INPP5B: variants seen among roughly 807,000 people sequenced by gnomAD.
INPP5B encodes inositol polyphosphate-5-phosphatase B.
A neutral mutation model predicts 118.5 loss-of-function variants in INPP5B; 90 were observed. That is an observed-to-expected ratio of 0.76 (90% CI 0.64 to 0.90). The LOEUF is 0.90. Ranked by LOEUF, INPP5B falls within the 40% of genes least tolerant of loss-of-function variation. The probability of loss-of-function intolerance (pLI) is 0.00; values close to 1 mark genes in which losing one functional copy is unlikely to be tolerated. For missense variants in INPP5B, 984 were observed against 1,125.6 expected (o/e 0.87, Z 1.80); for synonymous variants, 385 against 418.9 (o/e 0.92, Z 0.99).
intron 9 of INPP5B, 140 bp from the exon 10 acceptor site, chr1:37,888,484 C>T: frequency 2.0e-6 from 1 of 493,800 alleles, no homozygotes; most frequent in Non-Finnish European, 3.6e-6. Context: ...CTAACCTAGA[C>T]CAGGACTGCA....
At position 37,932,149 on chromosome 1, in the gene INPP5B, C is replaced by T. The variant is rs76849367; in HGVS notation, c.392-96G>A. On this transcript the variant is annotated intron_variant, in intron 6 of 23. Transcript: ENST00000373024. ...CCAAGAGACTCCGGCCCTGTTTCTC[C>T]CGCGCACAGAAGGGTTCTGTGCGCA... The T allele has an allele frequency of 5.2e-3, 6,072 of 1,161,890 alleles. 234 individuals are homozygous for T. In the African/African-American group the frequency reaches 0.089, roughly 17 times the overall value. The allele number at this position is 1,161,890 out of a possible 1,614,324, so 72.0% of individuals were successfully genotyped here.
chr1:37,936,253 C>G (rs1017394314), intron 6 of INPP5B, among the ~76,000 whole-genome samples: 2 of 152,120 alleles, frequency 1.3e-5, no homozygotes, highest in Admixed American at 6.6e-5. Flanking sequence ...CCCTTCCCTC[C>G]GACTGCCAAG....
chr1:37,871,829 G>A (rs911066558), intron 19 of INPP5B, among the ~76,000 whole-genome samples: 14 of 151,562 alleles, frequency 9.2e-5, no homozygotes, highest in East Asian at 1.9e-4. Context: ...CCTGGGAGAC[G>A]GTGGTTGCAG....
chr1:37,875,756 G>T, intron 16 of INPP5B, 40 bp from the exon 17 acceptor site: 1 of 1,461,706 alleles, frequency 6.8e-7, no homozygotes, highest in Non-Finnish European at 9.6e-7. Context: ...CTTGGCTTCT[G>T]CCCATTTCCT....
chr1:37,861,311 A>G lies in INPP5B; in HGVS notation c.*1004T>C, dbSNP rs1248020349. 1 of 152,300 alleles carries G rather than the reference A, an allele frequency of 6.6e-6. No homozygotes were observed. The highest frequency in any genetic ancestry group is 1.5e-5 in the Non-Finnish European group (1 of 68,084). 9.4% of individuals were successfully genotyped at this position (152,300 alleles called of 1,614,324 possible). A position where few individuals can be genotyped will look rare whatever the true frequency, so the allele number is the denominator to read the frequency against. On this transcript the variant is annotated 3_prime_UTR_variant, in exon 24 of 24. Coordinates refer to ENST00000373024, the MANE Select transcript of INPP5B (RefSeq NM_005540.3). ...ATTTTATCCAGCAGCTTCTGCCTGC[A>G]TTCTTGCCATCCAACTCATTGGCCT...
intron 6 of INPP5B, among the ~76,000 whole-genome samples, chr1:37,934,621 G>T (rs1645614627): frequency 6.6e-6 from 1 of 152,120 alleles, no homozygotes; most frequent in South Asian, 2.1e-4. Context: ...TGTCAATACT[G>T]AGAGTCCCTT....
In INPP5B at chr1:37,886,893, T is replaced by C. The variant is rs1643572598; in HGVS notation, c.1126A>G (p.Arg376Gly). 3.7e-6 allele frequency: 6 copies of C among 1,613,362 alleles called. No individual in the cohort carries two copies. Among genetic ancestry groups the C allele is most frequent in the Non-Finnish European group, 5.1e-6 (6 of 1,179,466 alleles). ...AETVGTGIMG[R>G]MGNKGGVAIR... is the part of the protein sequence containing the mutation. ...CAAACCAACCAAGGACTCACCATCC[T>C]CCCCATGATTCCTGTCCCCACAGTC... Residue 376 changes from arginine to glycine, a missense_variant, in exon 12 of 24, where the codon AGG (arginine) becomes GGG (glycine). By Grantham distance (125) the Arg-to-Gly change is moderately radical (BLOSUM62 -2). Transcript: ENST00000373024.
At chr1:37,930,665 A>C (rs1367217305) in intron 7 of INPP5B, 2 of 152,268 alleles carry the variant, frequency 1.3e-5, no homozygotes, top group Non-Finnish European at 2.9e-5. Context: ...CTTCGATCGC[A>C]CCTTGTGATG....
chr1:37,866,678 C>T (rs1011501052), intron 20 of INPP5B, 135 bp from the exon 21 acceptor site: 1 of 647,728 alleles, frequency 1.5e-6, no homozygotes, highest in African/African-American at 1.8e-5. Flanking sequence ...GACAGATGAT[C>T]TGATTTAGGC....
chr1:37,889,060 G>A (rs1643695331), intron 9 of INPP5B, among the ~76,000 whole-genome samples: 1 of 152,126 alleles, frequency 6.6e-6, no homozygotes, highest in Admixed American at 6.6e-5. Context: ...TGAGACCCAT[G>A]TGGGCAACAC....
chr1:37,888,194 A>G (rs759738084), intron 10 of INPP5B, 49 bp downstream of exon 10: 3 of 1,206,794 alleles, frequency 2.5e-6, no homozygotes, highest in Admixed American at 2.8e-5. Flanking sequence ...CTTCAACCAC[A>G]GCTCTGTGTG....
At position 37,925,520 on chromosome 1, in the gene INPP5B, G is replaced by A. The variant is rs142955534; in HGVS notation, c.532+6393C>T. On this transcript the variant is annotated intron_variant, in intron 7 of 23. Coordinates refer to ENST00000373024, the MANE Select transcript of INPP5B (RefSeq NM_005540.3). ...TCCGAGTAGCTGGGACTACAGGTGC[G>A]CACCACTGTGCCGGGCTAACAGTAT... Among the ~76,000 whole-genome samples, 209 of 152,286 alleles carry A rather than the reference G, an allele frequency of 1.4e-3. 2 individuals carry two copies. In the East Asian group the frequency reaches 0.022, roughly 16 times the overall value.
chr1:37,941,073 G>T (rs1645890391), intron 5 of INPP5B, among the ~76,000 whole-genome samples: 1 of 152,230 alleles, frequency 6.6e-6, no homozygotes, highest in African/African-American at 2.4e-5. Flanking sequence ...GAAAGAACAG[G>T]TTCTCTGGAT....
chr1:37,864,286 CT>C (rs752730499), intron 23 of INPP5B, 25 bp downstream of exon 23: 17 of 1,319,440 alleles, frequency 1.3e-5, no homozygotes, highest in Non-Finnish European at 1.6e-5. Flanking sequence ...TGCAGAAATG[CT>C]TTCCATAGAC....
At chr1:37,896,292 A>G (rs1488877971) in intron 7 of INPP5B, among the ~76,000 whole-genome samples, 2 of 136,862 alleles carry the variant, frequency 1.5e-5, no homozygotes, top group African/African-American at 2.8e-5. Context: ...GCCCCGTCTG[A>G]GAAGTGAGGA....
chr1:37,903,498 G>A (rs563939394), intron 7 of INPP5B, among the ~76,000 whole-genome samples: 4 of 152,276 alleles, frequency 2.6e-5, no homozygotes, highest in South Asian at 2.1e-4. Context: ...AGGCCGAGAC[G>A]GGTGGATCAC....
intron 15 of INPP5B, among the ~76,000 whole-genome samples, chr1:37,879,177 C>A (rs1643036215): frequency 6.6e-6 from 1 of 151,542 alleles, no homozygotes; most frequent in Non-Finnish European, 1.5e-5. Flanking sequence ...GAGGCTGAGG[C>A]AGGAGAATTG....
At chr1:37,891,613 A>G (rs1305534294) in intron 7 of INPP5B, among the ~76,000 whole-genome samples, 159 bp from the exon 8 acceptor site, 1 of 152,104 alleles carries the variant, frequency 6.6e-6, no homozygotes, top group Admixed American at 6.5e-5. Flanking sequence ...CGTCTCTACT[A>G]AAAATACAAA....
At chr1:37,946,200 T>C in intron 2 of INPP5B, 52 bp downstream of exon 2, 1 of 1,553,360 alleles carries the variant, frequency 6.4e-7, no homozygotes, top group Non-Finnish European at 8.8e-7. Context: ...CTTCCATTCC[T>C]CTTCCCAAGG....
Sources: allele counts gnomAD v4.1 joint callset (sites outside exome capture counted in the v4.1 genomes callset), GRCh38; gene constraint gnomAD v4.1.1; transcripts MANE v1.5; gene names NCBI Gene and HGNC (gene_info 2026-07-23, HGNC 2026-07-21).